Variants in GPBP1 observed in about 807,000 individuals in gnomAD.
GPBP1 encodes the protein GC-rich promoter binding protein 1.
In GPBP1, 13 loss-of-function variants were observed where a neutral mutation model predicts 56.5. The observed-to-expected ratio is 0.23, with a 90% CI of 0.15 to 0.37. GPBP1 has a LOEUF of 0.37. Among genes scored for constraint, GPBP1 ranks in the 10% least tolerant of loss-of-function variants. GPBP1 has a pLI of 1.00. For synonymous variants in GPBP1, 204 were observed against 188.9 expected, an observed-to-expected ratio of 1.08 and a Z score of -0.66; for missense variants, 477 against 572.3, an observed-to-expected ratio of 0.83 and a Z score of 1.70.
At chr5:57,250,800 C>G (rs905961559) in intron 9 of GPBP1, among the ~76,000 whole-genome samples, 154 bp from the exon 10 acceptor site, 13 of 152,154 alleles carry the variant, frequency 8.5e-5, no homozygotes, top group Non-Finnish European at 1.6e-4. Flanking sequence ...CCGCCTTGGC[C>G]TTCCAAAGTG....
At chr5:57,241,502 G>C (rs1328683209) in intron 6 of GPBP1, among the ~76,000 whole-genome samples, 1 of 152,204 alleles carries the variant, frequency 6.6e-6, no homozygotes, top group Non-Finnish European at 1.5e-5. Context: ...GAGGTGGGAA[G>C]ATCAGTTGAA....
chr5:57,209,756 ATTT>A lies in GPBP1; in HGVS notation c.-57-4315_-57-4313del, dbSNP rs1755395266. 2.0e-5 allele frequency among the ~76,000 whole-genome samples: 3 copies of A among 151,784 alleles called. No homozygotes were observed. In the South Asian group the frequency reaches 6.2e-4, roughly 32 times the overall value. On this transcript the variant is annotated intron_variant, in intron 2 of 11. Transcript: ENST00000506184. ...GCATCAATTAAGATGATCGTTTGGT[ATTT>A]TTCTTTCATGTTATTAATGTGGTGT...
chr5:57,193,168 T>C (rs1754600650), intron 2 of GPBP1, among the ~76,000 whole-genome samples: 2 of 151,872 alleles, frequency 1.3e-5, no homozygotes, highest in Admixed American at 6.6e-5. Flanking sequence ...AATACAAAAA[T>C]TAGCTGGGCA....
chr5:57,231,515 C>G (rs1167195411), intron 5 of GPBP1, among the ~76,000 whole-genome samples, 194 bp downstream of exon 5: 3 of 152,106 alleles, frequency 2.0e-5, no homozygotes, highest in Non-Finnish European at 4.4e-5. Context: ...TCAGGTGATC[C>G]ACCTACCTCA....
In GPBP1 at chr5:57,261,282, G is replaced by A. The variant is rs1363588189; in HGVS notation, c.1263G>A (p.Gln421=). ...EMREFQVISE[Q]LQKNGLRKNG... ...GAGAATTCCAAGTTATTAGTGAACA[G>A]GTAAGAAAACCTGAATCATACAACT... Residue 421 remains glutamine (Q), a splice_region_variant and synonymous_variant, in exon 11 of 12, where the codon CAG becomes CAA. Coordinates refer to ENST00000506184, the MANE Select transcript of GPBP1 (RefSeq NM_022913.4). The A allele has an allele frequency of 1.9e-6, 3 of 1,562,330 alleles. No individual in the cohort carries two copies. The highest frequency in any genetic ancestry group is 1.7e-4 in the Middle Eastern group (1 of 5,994).
chr5:57,187,804 A>G (rs1269387688), intron 2 of GPBP1, among the ~76,000 whole-genome samples: 1 of 152,100 alleles, frequency 6.6e-6, no homozygotes, highest in Non-Finnish European at 1.5e-5. Context: ...AGACCATATC[A>G]TATGATCAAC....
At chr5:57,206,067 T>G (rs1015222089) in intron 2 of GPBP1, among the ~76,000 whole-genome samples, 1 of 152,260 alleles carries the variant, frequency 6.6e-6, no homozygotes, top group East Asian at 1.9e-4. Context: ...CATTTGGCCC[T>G]TTGTACATTT....
In GPBP1 at chr5:57,226,553, CTTTTTTTTTTTT is replaced by C. The variant is rs34180383; in HGVS notation, c.64-4280_64-4269del. ...TCATCCTGGGCTCTGAGCATTTTTG[CTTTTTTTTTTTT>C]TTTTTTTTTTTTGAGATTGAGTCTT... On this transcript the variant is annotated intron_variant, in intron 3 of 11. Transcript: ENST00000506184. 2.1e-4 allele frequency among the ~76,000 whole-genome samples: 13 copies of C among 62,128 alleles called. 1 individual carries two copies. Among genetic ancestry groups the C allele is most frequent in the African/African-American group, 3.3e-4 (5 of 15,250 alleles). 40.8% of individuals were successfully genotyped at this position (62,128 alleles called of 152,430 possible).
intron 2 of GPBP1, among the ~76,000 whole-genome samples, chr5:57,179,753 A>G (rs1189224483): frequency 2.0e-5 from 3 of 151,954 alleles, no homozygotes; most frequent in Non-Finnish European, 4.4e-5. Flanking sequence ...CGCATGTGCC[A>G]CCAGGCCTGG....
intron 3 of GPBP1, among the ~76,000 whole-genome samples, chr5:57,215,528 G>A (rs1755664726): frequency 6.6e-6 from 1 of 152,212 alleles, no homozygotes; most frequent in Non-Finnish European, 1.5e-5. Context: ...TTTAGTTATG[G>A]CAGGTGTAGT....
intron 6 of GPBP1, among the ~76,000 whole-genome samples, chr5:57,241,548 A>G (rs952104844): frequency 2.0e-5 from 3 of 152,172 alleles, no homozygotes; most frequent in African/African-American, 7.2e-5. Flanking sequence ...CAGCATAGTG[A>G]ACCTTGTCTC....
intron 2 of GPBP1, among the ~76,000 whole-genome samples, chr5:57,183,765 ATTTTTTTT>A (rs34608817): frequency 1.5e-5 from 2 of 133,288 alleles, no homozygotes; most frequent in East Asian, 2.1e-4. Flanking sequence ...GGGGATATGA[ATTTTTTTT>A]TTTTTTTTTT....
intron 6 of GPBP1, among the ~76,000 whole-genome samples, chr5:57,241,752 C>T (rs1418742296): frequency 6.6e-6 from 1 of 152,146 alleles, no homozygotes; most frequent in Non-Finnish European, 1.5e-5. Flanking sequence ...CACTTACTTT[C>T]TCATTTTATA....
chr5:57,223,995 G>A (rs1187424283), intron 3 of GPBP1, among the ~76,000 whole-genome samples: 1 of 151,256 alleles, frequency 6.6e-6, no homozygotes, highest in African/African-American at 2.4e-5. Flanking sequence ...CACCACACCT[G>A]GCTAATATTT....
intron 2 of GPBP1, among the ~76,000 whole-genome samples, chr5:57,200,769 C>T (rs2111693409): frequency 6.6e-6 from 1 of 152,282 alleles, no homozygotes; most frequent in Admixed American, 6.5e-5. Flanking sequence ...GCAAGCTTCG[C>T]CTCCCGGGTT....
intron 2 of GPBP1, among the ~76,000 whole-genome samples, chr5:57,181,808 A>G (rs77082820): frequency 0.029 from 4,465 of 152,274 alleles, 120 homozygotes; most frequent in African/African-American, 0.074. Context: ...ATTACCTTCA[A>G]CAGAAATGTT....
At chr5:57,236,819 A>G (rs1756681456) in intron 6 of GPBP1, among the ~76,000 whole-genome samples, 1 of 152,176 alleles carries the variant, frequency 6.6e-6, no homozygotes, top group Non-Finnish European at 1.5e-5. Flanking sequence ...ACTTAAACAC[A>G]TGTTCATTTG....
At chr5:57,219,950 G>GC (rs1755882332) in intron 3 of GPBP1, among the ~76,000 whole-genome samples, 1 of 151,696 alleles carries the variant, frequency 6.6e-6, no homozygotes, top group South Asian at 2.1e-4. Flanking sequence ...TACTCGGGAG[G>GC]CTGAGCAGGA....
chr5:57,216,627 A>G (rs1160328657), intron 3 of GPBP1, among the ~76,000 whole-genome samples: 2 of 152,158 alleles, frequency 1.3e-5, no homozygotes, highest in African/African-American at 2.4e-5. Flanking sequence ...TAGAGGTTGC[A>G]GGGAGCCGAG....
Sources: allele counts gnomAD v4.1 joint callset (sites outside exome capture counted in the v4.1 genomes callset), GRCh38; gene constraint gnomAD v4.1.1; transcripts MANE v1.5; gene names NCBI Gene and HGNC (gene_info 2026-07-23, HGNC 2026-07-21).